Variants in USP12 observed in about 807,000 individuals in gnomAD.
USP12 encodes the protein ubiquitin specific peptidase 12.
In USP12, 19 loss-of-function variants were observed where a neutral mutation model predicts 45.5. The observed-to-expected ratio is 0.42, with a 90% confidence interval of 0.29 to 0.61. USP12 has a LOEUF of 0.61. Among genes scored for constraint, USP12 ranks in the 20% least tolerant of loss-of-function variants. The pLI, the probability that USP12 is intolerant of heterozygous loss-of-function variation, is 0.22. For missense variants in USP12, 242 were observed against 447.7 expected (o/e 0.54, Z 4.15); for synonymous variants, 149 against 148.8 (o/e 1.00, Z -0.01).
chr13:27,089,777 A>C (rs1874230848), intron 6 of USP12, 106 bp downstream of exon 6: 3 of 1,061,644 alleles, frequency 2.8e-6, no homozygotes, highest in South Asian at 3.1e-5. Context: ...TAGAATTAAG[A>C]ATTTTTACTC....
At chr13:27,170,577 CTG>C (rs752461973) in intron 1 of USP12, among the ~76,000 whole-genome samples, 8 of 152,246 alleles carry the variant, frequency 5.3e-5, no homozygotes, top group Non-Finnish European at 1.0e-4. Context: ...ATGTGGAAAA[CTG>C]TGGTCCTTCT....
At position 27,171,783 on chromosome 13, in the gene USP12, G is replaced by T; in HGVS notation, c.-144C>A. 1 of 280,604 alleles carries T rather than the reference G, an allele frequency of 3.6e-6. No individual in the cohort carries two copies. The highest frequency in any genetic ancestry group is 5.4e-6 in the Non-Finnish European group (1 of 184,656). 17.4% of individuals were successfully genotyped at this position (280,604 alleles called of 1,614,324 possible). A position where few individuals can be genotyped will look rare whatever the true frequency, so the allele number is the denominator to read the frequency against. ...CCACCGAGCCCGCTGGGCCGCCGCT[G>T]CCGTCGTCGCCGCCGGCGCTCAGGC... On this transcript the variant is annotated 5_prime_UTR_variant, in exon 1 of 9. Transcript: ENST00000282344.
At chr13:27,144,033 G>A (rs1877189352) in intron 1 of USP12, among the ~76,000 whole-genome samples, 1 of 152,096 alleles carries the variant, frequency 6.6e-6, no homozygotes, top group South Asian at 2.1e-4. Flanking sequence ...GGGAAACCCT[G>A]TCTCTACTAA....
intron 1 of USP12, among the ~76,000 whole-genome samples, chr13:27,165,881 A>G (rs1334069991): frequency 6.6e-6 from 1 of 152,158 alleles, no homozygotes; most frequent in African/African-American, 2.4e-5. Flanking sequence ...CTAAAACATA[A>G]TTAGAACTCC....
chr13:27,148,815 A>ACACACACACACAC (rs1232624646), intron 1 of USP12, among the ~76,000 whole-genome samples: 3 of 12,560 alleles, frequency 2.4e-4, no homozygotes, highest in Non-Finnish European at 6.4e-4. Context: ...CACACACACA[A>ACACACACACACAC]AAATCAGGTG....
chr13:27,082,286 C>G (rs958662034), intron 6 of USP12, among the ~76,000 whole-genome samples: 1 of 152,220 alleles, frequency 6.6e-6, no homozygotes, highest in Non-Finnish European at 1.5e-5. Context: ...CTCATGGAGA[C>G]AGCTTCTTTC....
intron 6 of USP12, among the ~76,000 whole-genome samples, chr13:27,076,021 C>A (rs1593170844): frequency 9.2e-6 from 1 of 109,258 alleles, no homozygotes; most frequent in Non-Finnish European, 1.9e-5. Flanking sequence ...CAGAGCAAGG[C>A]TCCGTCTCAA....
chr13:27,106,627 A>C (rs1054685390), intron 2 of USP12, among the ~76,000 whole-genome samples: 1 of 152,210 alleles, frequency 6.6e-6, no homozygotes, highest in African/African-American at 2.4e-5. Context: ...AAGTATATAC[A>C]GTATTAGGTT....
chr13:27,148,049 G>A (rs1877389122), intron 1 of USP12, among the ~76,000 whole-genome samples: 1 of 151,730 alleles, frequency 6.6e-6, no homozygotes, highest in Non-Finnish European at 1.5e-5. Context: ...GAACCACTTG[G>A]GCCCAAGAGG....
At chr13:27,072,015 C>A (rs1035452739) in intron 7 of USP12, among the ~76,000 whole-genome samples, 5 of 152,064 alleles carry the variant, frequency 3.3e-5, no homozygotes, top group African/African-American at 1.2e-4. Context: ...TTAGAATAAG[C>A]CACCTACTAT....
intron 3 of USP12, among the ~76,000 whole-genome samples, chr13:27,105,331 C>G (rs1024944647): frequency 4.6e-5 from 7 of 151,988 alleles, no homozygotes; most frequent in Non-Finnish European, 1.0e-4. Context: ...ATGACATGCT[C>G]TCTATCTAAG....
At chr13:27,157,434 A>C (rs1026317401) in intron 1 of USP12, among the ~76,000 whole-genome samples, 5 of 152,150 alleles carry the variant, frequency 3.3e-5, no homozygotes, top group African/African-American at 1.2e-4. Context: ...ACTTTCCTTT[A>C]CCCGCTGTAT....
intron 1 of USP12, among the ~76,000 whole-genome samples, chr13:27,144,072 C>T (rs1191038296): frequency 1.3e-5 from 2 of 152,040 alleles, no homozygotes; most frequent in Non-Finnish European, 2.9e-5. Flanking sequence ...GGTGTGGTGG[C>T]ACATGCCTAT....
At chr13:27,145,438 C>CA (rs1566002685) in intron 1 of USP12, among the ~76,000 whole-genome samples, 1 of 152,180 alleles carries the variant, frequency 6.6e-6, no homozygotes, top group Non-Finnish European at 1.5e-5. Flanking sequence ...CTTTAGAAAT[C>CA]AATCAGTTAG....
intron 1 of USP12, among the ~76,000 whole-genome samples, chr13:27,147,949 G>C (rs1342161314): frequency 6.6e-6 from 1 of 151,760 alleles, no homozygotes; most frequent in Non-Finnish European, 1.5e-5. Flanking sequence ...GCAACACAGG[G>C]GGACACCATC....
chr13:27,130,758 T>C (rs1442463975), intron 1 of USP12, among the ~76,000 whole-genome samples: 1 of 152,336 alleles, frequency 6.6e-6, no homozygotes, highest in Admixed American at 6.5e-5. Flanking sequence ...GTTTTTTCAG[T>C]GAGTCACTTG....
At chr13:27,159,351 G>A (rs1266242616) in intron 1 of USP12, among the ~76,000 whole-genome samples, 1 of 152,148 alleles carries the variant, frequency 6.6e-6, no homozygotes, top group Non-Finnish European at 1.5e-5. Context: ...ATATTTCAAA[G>A]TCCATATTAA....
intron 6 of USP12, among the ~76,000 whole-genome samples, chr13:27,085,993 C>T (rs918045882): frequency 1.3e-5 from 2 of 151,052 alleles, no homozygotes; most frequent in Non-Finnish European, 2.9e-5. Context: ...TAGCAAGAGC[C>T]CGTCTATAAA....
At chr13:27,122,967 G>T (rs982778448) in intron 1 of USP12, among the ~76,000 whole-genome samples, 3 of 151,890 alleles carry the variant, frequency 2.0e-5, no homozygotes, top group Non-Finnish European at 4.4e-5. Context: ...GGTGGCAGGC[G>T]CCTAGTCCCA....
Sources: allele counts gnomAD v4.1 joint callset (sites outside exome capture counted in the v4.1 genomes callset), GRCh38; gene constraint gnomAD v4.1.1; transcripts MANE v1.5; gene names NCBI Gene and HGNC (gene_info 2026-07-23, HGNC 2026-07-21).